Variants in SGCZ observed in about 807,000 individuals in gnomAD.
SGCZ encodes the protein sarcoglycan zeta, also known as zeta-sarcoglycan.
A neutral mutation model predicts 41.3 loss-of-function variants in SGCZ; 40 were observed. That is an observed-to-expected ratio of 0.97 (90% CI 0.75 to 1.26). SGCZ has a LOEUF of 1.26. SGCZ is among the 50% of genes most tolerant of loss of function. The pLI, the probability that SGCZ is intolerant of heterozygous loss-of-function variation, is 0.00. For synonymous variants in SGCZ, 206 were observed against 137.5 expected (o/e 1.50, Z -3.49); for missense variants, 552 against 369.8 (o/e 1.49, Z -4.04).
chr8:15,146,271 G>A (rs183748144), intron 1 of SGCZ, among the ~76,000 whole-genome samples: 12 of 152,192 alleles, frequency 7.9e-5, no homozygotes, highest in Admixed American at 3.9e-4. Flanking sequence ...AATGCCTACC[G>A]TTGATTTTCG....
chr8:14,160,095 T>G (rs1803994860), intron 5 of SGCZ, among the ~76,000 whole-genome samples: 1 of 152,210 alleles, frequency 6.6e-6, no homozygotes, highest in Admixed American at 6.5e-5. Context: ...GTTTTTAGTT[T>G]TAATTGCTAC....
At chr8:15,015,049 C>G (rs1802974062) in intron 1 of SGCZ, among the ~76,000 whole-genome samples, 1 of 151,922 alleles carries the variant, frequency 6.6e-6, no homozygotes, top group African/African-American at 2.4e-5. Flanking sequence ...CAAGACCAGC[C>G]TGGCAAACAT....
At chr8:14,899,686 T>C (rs1798894288) in intron 1 of SGCZ, among the ~76,000 whole-genome samples, 1 of 152,108 alleles carries the variant, frequency 6.6e-6, no homozygotes, top group Non-Finnish European at 1.5e-5. Context: ...TCAGGTTCTT[T>C]TGACCTCGGG....
intron 2 of SGCZ, among the ~76,000 whole-genome samples, chr8:14,498,307 C>A (rs1392096540): frequency 6.6e-6 from 1 of 151,918 alleles, no homozygotes; most frequent in African/African-American, 2.4e-5. Flanking sequence ...TTTAGTAAAT[C>A]TTTTATTAAA....
intron 1 of SGCZ, among the ~76,000 whole-genome samples, chr8:14,887,383 A>G (rs1804850015): frequency 6.6e-6 from 1 of 152,082 alleles, no homozygotes; most frequent in Admixed American, 6.6e-5. Context: ...CACTGTGCCA[A>G]TTTTTCTGAC....
At chr8:14,136,548 C>T (rs910262486) in intron 5 of SGCZ, among the ~76,000 whole-genome samples, 1 of 152,176 alleles carries the variant, frequency 6.6e-6, no homozygotes, top group African/African-American at 2.4e-5. Flanking sequence ...TTGCTCACTG[C>T]TAGCACAGCA....
chr8:14,221,805 C>T (rs896197545), intron 4 of SGCZ, among the ~76,000 whole-genome samples: 9 of 151,784 alleles, frequency 5.9e-5, no homozygotes, highest in African/African-American at 1.9e-4. Flanking sequence ...GGTGTGATGG[C>T]GTGTGCCTGT....
At chr8:15,130,412 TGA>T (rs1451503121) in intron 1 of SGCZ, among the ~76,000 whole-genome samples, 1 of 151,976 alleles carries the variant, frequency 6.6e-6, no homozygotes, top group Non-Finnish European at 1.5e-5. Context: ...GAAATGCAAA[TGA>T]GAAAAATTAA....
At chr8:14,927,532 A>G (rs1799794944) in intron 1 of SGCZ, among the ~76,000 whole-genome samples, 1 of 134,314 alleles carries the variant, frequency 7.4e-6, no homozygotes, top group African/African-American at 2.6e-5. Context: ...GAGCAAGAAG[A>G]AGGAAGAGGA....
intron 2 of SGCZ, among the ~76,000 whole-genome samples, chr8:14,440,793 G>A (rs546278676): frequency 8.5e-6 from 1 of 118,076 alleles, no homozygotes; most frequent in African/African-American, 2.8e-5. Context: ...ACGTATACAC[G>A]TATATGTATA....
chr8:14,616,568 A>G (rs1156736033), intron 1 of SGCZ, among the ~76,000 whole-genome samples: 1 of 152,162 alleles, frequency 6.6e-6, no homozygotes, highest in Admixed American at 6.5e-5. Context: ...AAAACTACCT[A>G]AAACATCCCT....
At position 14,916,845 on chromosome 8, in the gene SGCZ, C is replaced by T. The variant is rs73517351; in HGVS notation, c.39+320740G>A. On this transcript the variant is annotated intron_variant, in intron 1 of 7. Transcript: ENST00000382080. ...CAGCTGGGTACTTTGTAAAAATAGA[C>T]GCATAGTTATTTTTTAAAAAAAACA... Among the ~76,000 whole-genome samples the T allele has an allele frequency of 8.8e-3, 1,344 of 151,904 alleles. 18 individuals carry two copies. The highest frequency in any genetic ancestry group is 0.027 in the Middle Eastern group (8 of 292).
intron 1 of SGCZ, among the ~76,000 whole-genome samples, chr8:14,610,052 T>A (rs561570807): frequency 6.6e-6 from 1 of 152,254 alleles, no homozygotes; most frequent in East Asian, 1.9e-4. Context: ...TGATATTAAT[T>A]GGGGGTTTAA....
intron 1 of SGCZ, among the ~76,000 whole-genome samples, chr8:14,914,197 C>T (rs1799360327): frequency 6.6e-6 from 1 of 151,004 alleles, no homozygotes; most frequent in Non-Finnish European, 1.5e-5. Context: ...TAGTTATACA[C>T]AAACATCATT....
intron 2 of SGCZ, among the ~76,000 whole-genome samples, chr8:14,448,878 G>T (rs1800510797): frequency 6.6e-6 from 1 of 152,138 alleles, no homozygotes. Context: ...CGCTGTACTT[G>T]TTGATGAGAA....
At chr8:14,562,942 G>C (rs139969124) in intron 1 of SGCZ, among the ~76,000 whole-genome samples, 2 of 152,170 alleles carry the variant, frequency 1.3e-5, no homozygotes, top group Non-Finnish European at 2.9e-5. Context: ...AAATCACCCA[G>C]TCAACTGGGC....
At chr8:15,048,435 TTAA>T (rs1277017508) in intron 1 of SGCZ, among the ~76,000 whole-genome samples, 5 of 152,034 alleles carry the variant, frequency 3.3e-5, no homozygotes, top group African/African-American at 7.2e-5. Context: ...GTGACTATAC[TTAA>T]TAATAATTCA....
intron 3 of SGCZ, among the ~76,000 whole-genome samples, chr8:14,297,554 T>C (rs1453168154): frequency 6.6e-6 from 1 of 151,808 alleles, no homozygotes; most frequent in Admixed American, 6.6e-5. Flanking sequence ...TACCGCTTTC[T>C]AGAATAAAAG....
At chr8:15,079,922 C>T (rs1361386184) in intron 1 of SGCZ, among the ~76,000 whole-genome samples, 1 of 152,120 alleles carries the variant, frequency 6.6e-6, no homozygotes, top group Non-Finnish European at 1.5e-5. Context: ...TCCACTGTTT[C>T]CATTTTTGGG....
Sources: gnomAD v4.1 joint callset for allele counts (sites outside exome capture counted in the v4.1 genomes callset) on GRCh38, gnomAD v4.1.1 for gene constraint, MANE v1.5 for transcripts, NCBI Gene and HGNC (gene_info 2026-07-23, HGNC 2026-07-21) for gene names.